DOCK6: variants seen among roughly 807,000 people sequenced by gnomAD.
DOCK6 encodes dedicator of cytokinesis 6.
DOCK6 carries 167 observed loss-of-function variants against 230.3 expected under a neutral mutation model. The observed-to-expected ratio is 0.73, with a 90% confidence interval of 0.64 to 0.82. The LOEUF (loss-of-function observed/expected upper bound fraction) is 0.82. Ranked by LOEUF, DOCK6 falls within the 40% of genes least tolerant of loss-of-function variation. The pLI is 0.00. For synonymous variants in DOCK6, 1,148 were observed against 1,185.0 expected (o/e 0.97, Z 0.64); for missense variants, 2,598 against 2,825.8 (o/e 0.92, Z 1.83).
rs987628334 is a variant in DOCK6, at chr19:11,229,040, G to A, written c.2719-5C>T. The stretch of plus-strand genomic sequence containing the variant: ...AGCCAGCTCCTCGTGAAGCAGCTGG[G>A]GACAGAGGCAGGGGTCACAGAGTGC... On this transcript the variant is annotated splice_region_variant and splice_polypyrimidine_tract_variant and intron_variant, in intron 22 of 47. Transcript: ENST00000294618. The A allele has an allele frequency of 1.2e-6, 2 of 1,612,986 alleles. No individual in the cohort carries two copies. Among genetic ancestry groups the A allele is most frequent in the East Asian group, 2.2e-5 (1 of 44,846 alleles).
At chr19:11,218,351 T>G (rs1424745052) in intron 28 of DOCK6, among the ~76,000 whole-genome samples, 3 of 152,172 alleles carry the variant, frequency 2.0e-5, no homozygotes, top group African/African-American at 4.8e-5. Flanking sequence ...TTTACCACAT[T>G]GGCCAGACTG....
chr19:11,233,897 C>T (rs2079808111), intron 21 of DOCK6, among the ~76,000 whole-genome samples: 2 of 151,624 alleles, frequency 1.3e-5, no homozygotes, highest in Non-Finnish European at 2.9e-5. Context: ...TGCAATGGCA[C>T]GATCTCAGCT....
chr19:11,241,890 A>G (rs1445982042), intron 14 of DOCK6, 155 bp downstream of exon 14: 11 of 1,256,148 alleles, frequency 8.8e-6, no homozygotes, highest in Admixed American at 6.5e-5. Flanking sequence ...GAGGAAGGAC[A>G]TGTACCCTTT....
chr19:11,218,121 A>G (rs1324797946), intron 28 of DOCK6, among the ~76,000 whole-genome samples: 1 of 151,964 alleles, frequency 6.6e-6, no homozygotes, highest in Admixed American at 6.6e-5. Context: ...AAGTGCTGGG[A>G]CTATAGGCAT....
intron 39 of DOCK6, chr19:11,208,189 A>G (rs889174412): frequency 2.6e-5 from 4 of 153,444 alleles, no homozygotes; most frequent in African/African-American, 9.7e-5. Context: ...TCTCTAATGT[A>G]TGTAAGGCTT....
intron 41 of DOCK6, chr19:11,203,443 A>C (rs1193697313): frequency 7.6e-6 from 1 of 130,980 alleles, no homozygotes; most frequent in Non-Finnish European, 1.6e-5. Flanking sequence ...GAGAGATCAG[A>C]GACGGGAGGG....
intron 22 of DOCK6, among the ~76,000 whole-genome samples, chr19:11,231,559 G>A (rs895823710): frequency 6.6e-6 from 1 of 152,182 alleles, no homozygotes; most frequent in African/African-American, 2.4e-5. Flanking sequence ...CCTAACTCAA[G>A]CACAGGCTCA....
chr19:11,259,121 G>A (rs540120522), intron 1 of DOCK6, among the ~76,000 whole-genome samples: 6 of 151,966 alleles, frequency 3.9e-5, no homozygotes, highest in South Asian at 4.2e-4. Context: ...GCGCAATCAC[G>A]GCTCACTGCA....
chr19:11,218,499 G>A lies in DOCK6; in HGVS notation c.3551-1108C>T, dbSNP rs372003007. On this transcript the variant is annotated intron_variant, in intron 28 of 47. Coordinates refer to ENST00000294618, the MANE Select transcript of DOCK6 (RefSeq NM_020812.4). The stretch of plus-strand genomic sequence containing the variant: ...ATCTCACTCTGTCACCCAGGCTGGA[G>A]TGCAGTGGCACAATCTTGGCTTACT... Among the ~76,000 whole-genome samples, 15 of 152,140 alleles carry A rather than the reference G, an allele frequency of 9.9e-5. No individual in the cohort carries two copies. In the South Asian group the frequency reaches 2.9e-3, roughly 30 times the overall value.
intron 28 of DOCK6, among the ~76,000 whole-genome samples, chr19:11,218,256 C>T (rs1338117245): frequency 1.3e-5 from 2 of 152,130 alleles, no homozygotes; most frequent in African/African-American, 2.4e-5. Flanking sequence ...AAGCAATTCT[C>T]GTGCCTCAGC....
chr19:11,247,813 T>C (rs1221045144), intron 7 of DOCK6: 4 of 426,328 alleles, frequency 9.4e-6, no homozygotes, highest in Non-Finnish European at 1.7e-5. Context: ...CATGAGGTTG[T>C]GGTGAATATA....
At chr19:11,233,480 T>G in intron 21 of DOCK6, 114 bp from the exon 22 acceptor site, 1 of 1,324,194 alleles carries the variant, frequency 7.6e-7, no homozygotes, top group Non-Finnish European at 1.0e-6. Context: ...GCCTCTAAGT[T>G]CCTCATCTAT....
chr19:11,259,366 A>C (rs533200934), intron 1 of DOCK6, among the ~76,000 whole-genome samples: 1 of 152,132 alleles, frequency 6.6e-6, no homozygotes, highest in East Asian at 1.9e-4. Context: ...TGTATGTTAC[A>C]GTTGTTTAAA....
chr19:11,208,505 T>C (rs935842996), intron 39 of DOCK6, 181 bp downstream of exon 39: 1 of 780,028 alleles, frequency 1.3e-6, no homozygotes, highest in Non-Finnish European at 2.0e-6. Flanking sequence ...GGTCTCGAAC[T>C]CCTGGCCTCA....
intron 4 of DOCK6, 52 bp from the exon 5 acceptor site, chr19:11,252,300 G>A: frequency 1.3e-6 from 2 of 1,565,476 alleles, no homozygotes; most frequent in South Asian, 1.2e-5. Context: ...CCCCCAGGGG[G>A]TCCCCAGTGT....
Position 11,212,166 on chromosome 19 carries a change from GCGGGAGGGTGGAGC to G in DOCK6, c.4492-29_4492-16del, listed in dbSNP as rs1312053301. The G allele has an allele frequency of 1.2e-6, 2 of 1,601,436 alleles. No homozygotes were observed. The highest frequency in any genetic ancestry group is 1.7e-6 in the Non-Finnish European group (2 of 1,177,312). ...CGGGCAAAGTTCTGCAGGGACAGGG[GCGGGAGGGTGGAGC>G]CGGGAGTCTCAGACCCCAGACCCCA... On this transcript the variant is annotated splice_polypyrimidine_tract_variant and intron_variant, in intron 35 of 47. Transcript: ENST00000294618.
chr19:11,237,486 C>A lies in DOCK6; in HGVS notation c.2043G>T (p.Pro681=). 6.2e-7 allele frequency: 1 copy of A among 1,613,444 alleles called. No homozygotes were observed. ...GTGTGAGCACGGAATAGCTGGGCGG[C>A]GGCTGGTCCACAGACACTGGGAGAC... ...PFCLPVSVDQ[P]PPSYSVLTPD... Residue 681 remains proline, a synonymous_variant, in exon 18 of 48, where the codon CCG becomes CCT. Coordinates refer to ENST00000294618, the MANE Select transcript of DOCK6 (RefSeq NM_020812.4).
chr19:11,229,395 G>C (rs1329552869), intron 22 of DOCK6: 41 of 1,065,804 alleles, frequency 3.8e-5, no homozygotes, highest in Non-Finnish European at 4.7e-5. Flanking sequence ...GATGGCCTAT[G>C]ATGGGATGTG....
intron 28 of DOCK6, among the ~76,000 whole-genome samples, chr19:11,218,958 A>G (rs1379263174): frequency 7.0e-6 from 1 of 142,314 alleles, no homozygotes; most frequent in Non-Finnish European, 1.5e-5. Flanking sequence ...GGCTCACCAC[A>G]ACCTCCGCCT....
Sources: gnomAD v4.1 joint callset for allele counts (sites outside exome capture counted in the v4.1 genomes callset) on GRCh38, gnomAD v4.1.1 for gene constraint, MANE v1.5 for transcripts, NCBI Gene and HGNC (gene_info 2026-07-23, HGNC 2026-07-21) for gene names.